The following PCDHA9 variants were observed in gnomAD, a reference collection of about 807,000 sequenced individuals.
The protein encoded by PCDHA9 is protocadherin alpha-9.
PCDHA9 carries 62 observed loss-of-function variants against 62.0 expected under a neutral mutation model. The ratio of observed to expected loss-of-function variants is 1.00; its 90% CI spans 0.81 to 1.23. The LOEUF is 1.23. Among genes scored for constraint, PCDHA9 ranks in the 50% most tolerant of loss-of-function variants. PCDHA9 has a pLI of 0.00. For missense variants in PCDHA9, 1,205 were observed against 1,249.8 expected (o/e 0.96, Z 0.54); for synonymous variants, 557 against 567.6 (o/e 0.98, Z 0.27).
chr5:141,000,383 CTCTCTCTCTCTCTA>C (rs1438422699), intron 3 of PCDHA9, among the ~76,000 whole-genome samples: 4 of 63,178 alleles, frequency 6.3e-5, no homozygotes, highest in African/African-American at 2.9e-4. Context: ...CTCTCTCTCT[CTCTCTCTCTCTCTA>C]TATATATATA....
At chr5:140,908,049 G>A (rs563362239) in intron 1 of PCDHA9, among the ~76,000 whole-genome samples, 19 of 152,210 alleles carry the variant, frequency 1.2e-4, no homozygotes, top group Admixed American at 1.0e-3. Flanking sequence ...TTGCACATCC[G>A]GCCATTTCTC....
At chr5:140,885,131 CT>C (rs1162868700) in intron 1 of PCDHA9, among the ~76,000 whole-genome samples, 1 of 152,024 alleles carries the variant, frequency 6.6e-6, no homozygotes, top group Non-Finnish European at 1.5e-5. Flanking sequence ...TTCTTTCTTT[CT>C]TTTTTTAAAC....
intron 1 of PCDHA9, among the ~76,000 whole-genome samples, chr5:140,936,335 A>G (rs1278918836): frequency 2.0e-5 from 3 of 152,176 alleles, no homozygotes; most frequent in South Asian, 2.1e-4. Context: ...AATTTTCTCT[A>G]TCTGCATATA....
intron 3 of PCDHA9, among the ~76,000 whole-genome samples, chr5:140,991,890 T>A (rs1192590580): frequency 1.3e-5 from 2 of 152,192 alleles, no homozygotes; most frequent in Non-Finnish European, 2.9e-5. Context: ...CCATAACAAA[T>A]TAACACAAAA....
chr5:140,893,048 T>C (rs1462017776), intron 1 of PCDHA9, among the ~76,000 whole-genome samples: 1 of 152,250 alleles, frequency 6.6e-6, no homozygotes, highest in Non-Finnish European at 1.5e-5. Flanking sequence ...CCCTCCAGGC[T>C]CAGCCATACT....
intron 1 of PCDHA9, chr5:140,870,744 C>G: frequency 3.7e-6 from 6 of 1,613,474 alleles, no homozygotes; most frequent in Non-Finnish European, 5.1e-6. Flanking sequence ...TGAGCAGCAA[C>G]GTGACGCTGC....
At chr5:140,930,832 T>A (rs1375434055) in intron 1 of PCDHA9, among the ~76,000 whole-genome samples, 1 of 152,226 alleles carries the variant, frequency 6.6e-6, no homozygotes, top group East Asian at 1.9e-4. Flanking sequence ...GCTGACTGAA[T>A]GAATAAATAT....
At chr5:140,884,016 G>T (rs143828814) in intron 1 of PCDHA9, 1 of 1,613,208 alleles carries the variant, frequency 6.2e-7, no homozygotes, top group Non-Finnish European at 8.5e-7. Flanking sequence ...CTGATGCCGC[G>T]GTCGGTGGGT....
At chr5:140,851,689 TAA>T in intron 1 of PCDHA9, 1 of 934,422 alleles carries the variant, frequency 1.1e-6, no homozygotes, top group Non-Finnish European at 1.3e-6. Context: ...CATTCAGTGA[TAA>T]AATGATCAGC....
chr5:140,936,034 A>C (rs1554210820), intron 1 of PCDHA9, among the ~76,000 whole-genome samples: 1 of 151,842 alleles, frequency 6.6e-6, no homozygotes, highest in East Asian at 1.9e-4. Context: ...CGGGGATTAC[A>C]GGCACCCACC....
rs1554148266 is a variant in PCDHA9 at position 140,856,152 on chromosome 5, A to C, written c.2394+5263A>C. On this transcript the variant is annotated intron_variant, in intron 1 of 3. Coordinates refer to ENST00000532602, the MANE Select transcript of PCDHA9 (RefSeq NM_031857.2). ...AGCGGCCAGCTCCACTACTCAGTCT[A>C]CGAGGAGGCCAGACACGGCACCTTC... The C allele has an allele frequency of 6.3e-6, 10 of 1,598,178 alleles. 1 individual carries two copies. Among genetic ancestry groups the C allele is most frequent in the Middle Eastern group, 1.7e-4 (1 of 5,990 alleles).
chr5:140,871,300 C>T (rs1562661811), intron 1 of PCDHA9: 4 of 1,613,916 alleles, frequency 2.5e-6, no homozygotes, highest in Non-Finnish European at 3.4e-6. Context: ...CGCGTGCGCG[C>T]CGGGGAAGCC....
chr5:140,993,128 T>A (rs1250312762), intron 3 of PCDHA9, among the ~76,000 whole-genome samples: 2 of 152,234 alleles, frequency 1.3e-5, no homozygotes, highest in Non-Finnish European at 2.9e-5. Flanking sequence ...AATTTCCTTC[T>A]GTTGCAACAA....
In PCDHA9 at chr5:140,871,383, G is replaced by C. The variant is rs200820570; in HGVS notation, c.2394+20494G>C. 9.3e-6 allele frequency: 15 copies of C among 1,614,204 alleles called. No homozygotes were observed. The highest frequency in any genetic ancestry group is 6.7e-5 in the East Asian group (3 of 44,886). Reference sequence around the variant, plus strand: ...AGAGGCGGCAGAGGGTGTGCTCTGAGGAGGGCCCACCTAAGACGGACCTCA... The same window carrying C: ...AGAGGCGGCAGAGGGTGTGCTCTGACGAGGGCCCACCTAAGACGGACCTCA... On this transcript the variant is annotated intron_variant, in intron 1 of 3. Coordinates refer to ENST00000532602, the MANE Select transcript of PCDHA9 (RefSeq NM_031857.2).
intron 1 of PCDHA9, among the ~76,000 whole-genome samples, chr5:140,894,197 A>G (rs1378272032): frequency 6.6e-6 from 1 of 152,008 alleles, no homozygotes; most frequent in Admixed American, 6.6e-5. Context: ...TATTTTTTCT[A>G]TGCTATTATA....
At chr5:140,885,577 A>G (rs1554182197) in intron 1 of PCDHA9, among the ~76,000 whole-genome samples, 1 of 152,172 alleles carries the variant, frequency 6.6e-6, no homozygotes, top group African/African-American at 2.4e-5. Context: ...TCAGATGTGG[A>G]ATTGATGCAT....
In PCDHA9 at chr5:140,929,054, C is replaced by T. The variant is rs782514800; in HGVS notation, c.2395-49895C>T. 27 of 1,614,056 alleles carry T rather than the reference C, an allele frequency of 1.7e-5. No individual in the cohort carries two copies. The highest frequency in any genetic ancestry group is 2.1e-5 in the Non-Finnish European group (25 of 1,180,042). ...TGTTGCGCTCAGAGCTGCTGTCGCT[C>T]TACAGAGGATCTGAGGTATGGAAGT... is the stretch of plus-strand genomic sequence containing the variant. On this transcript the variant is annotated intron_variant, in intron 1 of 3. Coordinates refer to ENST00000532602, the MANE Select transcript of PCDHA9 (RefSeq NM_031857.2).
chr5:140,875,039 A>C (rs1443862423), intron 1 of PCDHA9, among the ~76,000 whole-genome samples: 1 of 152,230 alleles, frequency 6.6e-6, no homozygotes, highest in East Asian at 1.9e-4. Flanking sequence ...TATTTGAAAG[A>C]TTTCTACTTT....
rs1349826822 is a variant in PCDHA9, at chr5:140,911,368, C to A, written c.2394+60479C>A. Reference sequence around the variant, plus strand: ...CCTCATTTCAACAGTAGACACCTGGCAAGGCTGTGCATGCACCTTTCATTG... The same window carrying A: ...CCTCATTTCAACAGTAGACACCTGGAAAGGCTGTGCATGCACCTTTCATTG... On this transcript the variant is annotated intron_variant, in intron 1 of 3. Coordinates refer to ENST00000532602, the MANE Select transcript of PCDHA9 (RefSeq NM_031857.2). 3.3e-5 allele frequency among the ~76,000 whole-genome samples: 5 copies of A among 152,144 alleles called. No homozygotes were observed. The East Asian group carries it at 7.7e-4, about 23-fold the overall frequency.
Sources: gnomAD v4.1 joint callset for allele counts (sites outside exome capture counted in the v4.1 genomes callset) on GRCh38, gnomAD v4.1.1 for gene constraint, MANE v1.5 for transcripts, NCBI Gene and HGNC (gene_info 2026-07-23, HGNC 2026-07-21) for gene names.